The following PCSK5 variants were observed in gnomAD, a reference collection of about 807,000 sequenced individuals.
PCSK5 encodes proprotein convertase subtilisin/kexin type 5, also known as prohormone convertase 5.
In PCSK5, 129 loss-of-function variants were observed where a neutral mutation model predicts 233.2. The observed-to-expected ratio is 0.55, with a 90% confidence interval of 0.48 to 0.64. The LOEUF is 0.64. Among genes scored for constraint, PCSK5 ranks in the 30% least tolerant of loss-of-function variants. The pLI, the probability that PCSK5 is intolerant of heterozygous loss-of-function variation, is 0.00. For missense variants in PCSK5, 2,076 were observed against 2,430.1 expected, an observed-to-expected ratio of 0.85 and a Z score of 3.06; for synonymous variants, 825 against 879.2, an observed-to-expected ratio of 0.94 and a Z score of 1.09.
In PCSK5 at chr9:76,225,077, C is replaced by T. The variant is rs144319575; in HGVS notation, c.2627-2426C>T. Among the ~76,000 whole-genome samples, 808 of 152,270 alleles carry T rather than the reference C, an allele frequency of 5.3e-3. 5 individuals are homozygous for T. The highest frequency in any genetic ancestry group is 0.019 in the African/African-American group (775 of 41,560). ...ATTCCTACAGGCACTGATGTCAAGGCAAAGTAATTGTCTTTGCCTCTGGGT... is the reference window on the plus strand; with the variant it reads ...ATTCCTACAGGCACTGATGTCAAGGTAAAGTAATTGTCTTTGCCTCTGGGT... On this transcript the variant is annotated intron_variant, in intron 20 of 37. Coordinates refer to ENST00000674117, the MANE Select transcript of PCSK5 (RefSeq NM_001372043.1).
rs537702411 is a variant in PCSK5, at chr9:75,908,522, C to A, written c.192+17149C>A. The stretch of plus-strand genomic sequence containing the variant: ...TCAAAAAGAATTGCTTCTTCCTCTC[C>A]CTTTTTCTTCTCTTTCCTCCTCTTC... On this transcript the variant is annotated intron_variant, in intron 1 of 37. Transcript: ENST00000674117. 2.0e-5 allele frequency among the ~76,000 whole-genome samples: 3 copies of A among 152,272 alleles called. No homozygotes were observed. In the South Asian group the frequency reaches 6.2e-4, roughly 32 times the overall value.
rs1470032693 is a variant in PCSK5 at position 76,362,940 on chromosome 9, C to T, written c.*4018C>T. ...TCGGCTCTTGAGACAGGAGTCTTGC[C>T]GATGCTCCTGGCCGAATAAACTGCT... On this transcript the variant is annotated 3_prime_UTR_variant, in exon 38 of 38. Coordinates refer to ENST00000674117, the MANE Select transcript of PCSK5 (RefSeq NM_001372043.1). Among the ~76,000 whole-genome samples the T allele has an allele frequency of 6.6e-6, 1 of 152,092 alleles. No homozygotes were observed. The highest frequency in any genetic ancestry group is 1.5e-5 in the Non-Finnish European group (1 of 68,006).
At chr9:76,232,811 T>G (rs997558520) in intron 21 of PCSK5, among the ~76,000 whole-genome samples, 4 of 152,238 alleles carry the variant, frequency 2.6e-5, no homozygotes, top group Non-Finnish European at 5.9e-5. Flanking sequence ...GAAGCCCATA[T>G]ACCAACTCAC....
chr9:76,193,268 C>T, intron 20 of PCSK5: 1 of 1,613,600 alleles, frequency 6.2e-7, no homozygotes. Context: ...AAGGAGGCTT[C>T]TGTATGCTTG....
chr9:76,148,322 GGA>G (rs1400864951), intron 10 of PCSK5, among the ~76,000 whole-genome samples: 7 of 141,680 alleles, frequency 4.9e-5, no homozygotes, highest in African/African-American at 1.3e-4. Flanking sequence ...GCTTAGAGAG[GGA>G]GAGAGAGAGG....
chr9:76,235,181 T>TC (rs1291067278), intron 22 of PCSK5, among the ~76,000 whole-genome samples: 3 of 152,122 alleles, frequency 2.0e-5, no homozygotes, highest in Non-Finnish European at 4.4e-5. Flanking sequence ...GAATGAATGG[T>TC]TCAATGGAAG....
chr9:76,206,463 A>C (rs1019214804), intron 20 of PCSK5, among the ~76,000 whole-genome samples: 2 of 152,246 alleles, frequency 1.3e-5, no homozygotes, highest in East Asian at 1.9e-4. Context: ...CCTGCACCAC[A>C]CCCAGTCCCT....
At chr9:76,040,670 T>A (rs564622081) in intron 5 of PCSK5, among the ~76,000 whole-genome samples, 2 of 152,152 alleles carry the variant, frequency 1.3e-5, no homozygotes, top group African/African-American at 4.8e-5. Context: ...TCCAAACCCA[T>A]GTTCCTTGTA....
In PCSK5 at chr9:76,109,112, T is replaced by C. The variant is rs140151503; in HGVS notation, c.1208+1761T>C. On this transcript the variant is annotated intron_variant, in intron 9 of 37. Transcript: ENST00000674117. ...GGGTTTAGCAAGGAACTGGCACTTA[T>C]CCTATTAAATTCTCACTTTACAACT... 2.8e-3 allele frequency among the ~76,000 whole-genome samples: 425 copies of C among 152,362 alleles called. 5 individuals are homozygous for C. Among genetic ancestry groups the C allele is most frequent in the African/African-American group, 9.4e-3 (393 of 41,588 alleles).
At chr9:76,000,183 G>A (rs568923057) in intron 3 of PCSK5, among the ~76,000 whole-genome samples, 5 of 152,094 alleles carry the variant, frequency 3.3e-5, no homozygotes, top group Admixed American at 3.3e-4. Flanking sequence ...AAAATTTTTG[G>A]TTGAAGAATC....
At chr9:76,295,210 T>G in intron 25 of PCSK5, 65 bp from the exon 26 acceptor site, 1 of 1,430,272 alleles carries the variant, frequency 7.0e-7, no homozygotes, top group Non-Finnish European at 9.6e-7. Flanking sequence ...ATAAGGAGAT[T>G]AAATTATGGT....
rs1027651488 is a variant in PCSK5, at chr9:76,124,545, G to A, written c.1209-9564G>A. 3.9e-5 allele frequency among the ~76,000 whole-genome samples: 6 copies of A among 151,990 alleles called. No homozygotes were observed. The South Asian group carries it at 8.3e-4, about 21-fold the overall frequency. ...GCAGATCAGGAGGTCAGGAGATCAC[G>A]ATCGTCCCGGCCAACATGGTGAAAC... On this transcript the variant is annotated intron_variant, in intron 9 of 37. Coordinates refer to ENST00000674117, the MANE Select transcript of PCSK5 (RefSeq NM_001372043.1).
Position 76,071,771 on chromosome 9 carries a change from A to G in PCSK5, c.767A>G (p.Lys256Arg). 2 of 1,614,078 alleles carry G rather than the reference A, an allele frequency of 1.2e-6. No homozygotes were observed. The highest frequency in any genetic ancestry group is 1.1e-5 in the South Asian group (1 of 91,060). The change falls in exon 7 of 38, where the codon AAA becomes AGA. Residue 256 changes from lysine (K) to arginine (R), a missense_variant. Around this residue, in one of 6 missense-constraint regions of PCSK5, gnomAD observed 178 missense variants for 393.6 expected, o/e 0.45. Transcript: ENST00000674117. ...DGDVTDMVEA[K>R]SVSFNPQHVH... is the part of the protein sequence containing the mutation. Reference sequence around the variant, plus strand: ...GATGTCACGGACATGGTTGAAGCAAAATCAGTTAGCTTCAACCCCCAGCAC... The same window carrying G: ...GATGTCACGGACATGGTTGAAGCAAGATCAGTTAGCTTCAACCCCCAGCAC...
At chr9:76,283,506 C>T (rs545950163) in intron 24 of PCSK5, among the ~76,000 whole-genome samples, 1 of 152,274 alleles carries the variant, frequency 6.6e-6, no homozygotes, top group Non-Finnish European at 1.5e-5. Context: ...AGACATAATG[C>T]TATTGCTTAC....
intron 34 of PCSK5, among the ~76,000 whole-genome samples, chr9:76,333,331 T>G (rs1457597091): frequency 1.3e-5 from 2 of 152,222 alleles, no homozygotes; most frequent in Non-Finnish European, 2.9e-5. Flanking sequence ...GGGTCTCACA[T>G]TCTCCCAACC....
chr9:76,204,309 T>A (rs1019562265), intron 20 of PCSK5, among the ~76,000 whole-genome samples: 1 of 152,168 alleles, frequency 6.6e-6, no homozygotes, highest in Non-Finnish European at 1.5e-5. Context: ...AAAATGCAAA[T>A]CTAATCACAA....
At chr9:76,091,651 G>A (rs117581956) in intron 7 of PCSK5, among the ~76,000 whole-genome samples, 1 of 152,140 alleles carries the variant, frequency 6.6e-6, no homozygotes, top group East Asian at 1.9e-4. Context: ...GGGGTATGCT[G>A]GCCAGAAACT....
Position 75,945,637 on chromosome 9 carries a change from A to G in PCSK5, c.297+13154A>G, listed in dbSNP as rs574294320. 6.6e-5 allele frequency among the ~76,000 whole-genome samples: 10 copies of G among 152,274 alleles called. No homozygotes were observed. The East Asian group carries it at 1.7e-3, about 26-fold the overall frequency. ...TTAATGACTTTATTGATCCTGAAAT[A>G]AAGTCTAATTTTTTTTAAGTTATCT... On this transcript the variant is annotated intron_variant, in intron 2 of 37. Transcript: ENST00000674117.
chr9:76,123,302 C>G (rs549736687), intron 9 of PCSK5, among the ~76,000 whole-genome samples: 4 of 152,164 alleles, frequency 2.6e-5, no homozygotes, highest in African/African-American at 9.6e-5. Flanking sequence ...AATGAATCCT[C>G]CCATTCATGA....
Sources: allele counts gnomAD v4.1 joint callset (sites outside exome capture counted in the v4.1 genomes callset), GRCh38; gene constraint gnomAD v4.1.1; regional missense constraint gnomAD v4.1.1; transcripts MANE v1.5; gene names NCBI Gene and HGNC (gene_info 2026-07-23, HGNC 2026-07-21).